The following TMTC2 variants were observed in gnomAD, a reference collection of about 807,000 sequenced individuals.
The protein encoded by TMTC2 is transmembrane O-mannosyltransferase targeting cadherins 2.
A neutral mutation model predicts 82.4 loss-of-function variants in TMTC2; 43 were observed. The ratio of observed to expected loss-of-function variants is 0.52; its 90% CI spans 0.41 to 0.67. The LOEUF (loss-of-function observed/expected upper bound fraction) is 0.67. Among genes scored for constraint, TMTC2 ranks in the 30% least tolerant of loss-of-function variants. The probability of loss-of-function intolerance (pLI) is 0.00; values close to 1 mark genes in which losing one functional copy is unlikely to be tolerated. For missense variants in TMTC2, 919 were observed against 1,012.4 expected, an observed-to-expected ratio of 0.91 and a Z score of 1.25; for synonymous variants, 408 against 381.9, an observed-to-expected ratio of 1.07 and a Z score of -0.80.
chr12:82,772,192 T>G (rs2136996798), intron 1 of TMTC2, among the ~76,000 whole-genome samples: 1 of 152,254 alleles, frequency 6.6e-6, no homozygotes, highest in Non-Finnish European at 1.5e-5. Flanking sequence ...TGATAAGGGG[T>G]TCCAGACAGT....
chr12:83,023,945 A>G (rs901161086), intron 8 of TMTC2, among the ~76,000 whole-genome samples: 1 of 152,236 alleles, frequency 6.6e-6, no homozygotes, highest in Non-Finnish European at 1.5e-5. Context: ...ACAAACATTA[A>G]TATCAGTTAA....
chr12:82,816,276 A>G (rs1453936886), intron 1 of TMTC2, among the ~76,000 whole-genome samples: 1 of 152,160 alleles, frequency 6.6e-6, no homozygotes, highest in East Asian at 1.9e-4. Flanking sequence ...TTCAAAATGA[A>G]CGTATATAAT....
chr12:82,732,013 G>A (rs1369092194), intron 1 of TMTC2, among the ~76,000 whole-genome samples: 3 of 152,312 alleles, frequency 2.0e-5, no homozygotes, highest in East Asian at 1.9e-4. Flanking sequence ...GCTTAGACAA[G>A]GGTTGGGGTC....
intron 1 of TMTC2, among the ~76,000 whole-genome samples, chr12:82,782,722 A>G (rs1877967262): frequency 6.6e-6 from 1 of 152,176 alleles, no homozygotes. Flanking sequence ...TCCTATGGAC[A>G]TTGATATTTT....
At chr12:82,768,024 T>A (rs1346445141) in intron 1 of TMTC2, among the ~76,000 whole-genome samples, 1 of 152,044 alleles carries the variant, frequency 6.6e-6, no homozygotes, top group East Asian at 1.9e-4. Context: ...GTTTTAAACT[T>A]ACTTACTCAT....
intron 7 of TMTC2, among the ~76,000 whole-genome samples, chr12:82,969,193 T>A (rs1025630088): frequency 6.6e-6 from 1 of 152,192 alleles, no homozygotes; most frequent in African/African-American, 2.4e-5. Context: ...TGTCAGCGTG[T>A]GCTGATTATC....
At chr12:82,754,218 G>T (rs922421692) in intron 1 of TMTC2, among the ~76,000 whole-genome samples, 1 of 152,026 alleles carries the variant, frequency 6.6e-6, no homozygotes, top group Non-Finnish European at 1.5e-5. Context: ...GTGGCTTCTA[G>T]AAATACTGTC....
At chr12:82,926,876 A>G (rs908248151) in intron 3 of TMTC2, among the ~76,000 whole-genome samples, 1 of 152,218 alleles carries the variant, frequency 6.6e-6, no homozygotes, top group African/African-American at 2.4e-5. Context: ...TGAATATATT[A>G]AGCTTAATGT....
At chr12:82,984,418 CA>C (rs1879067476) in intron 7 of TMTC2, among the ~76,000 whole-genome samples, 2 of 152,128 alleles carry the variant, frequency 1.3e-5, no homozygotes, top group South Asian at 4.1e-4. Flanking sequence ...CAAACCAATT[CA>C]CTTCATCAAA....
intron 1 of TMTC2, among the ~76,000 whole-genome samples, chr12:82,796,010 A>G (rs1013100896): frequency 2.0e-5 from 3 of 152,146 alleles, no homozygotes; most frequent in Non-Finnish European, 4.4e-5. Context: ...TTCAGAGGTA[A>G]TAAGATGGGT....
chr12:82,695,993 T>C (rs954358488), intron 1 of TMTC2, among the ~76,000 whole-genome samples: 2 of 152,196 alleles, frequency 1.3e-5, no homozygotes, highest in African/African-American at 4.8e-5. Flanking sequence ...CAAGGTAAAA[T>C]AGTTGGGTTC....
At chr12:82,735,173 T>C (rs766985538) in intron 1 of TMTC2, among the ~76,000 whole-genome samples, 1 of 152,136 alleles carries the variant, frequency 6.6e-6, no homozygotes, top group Non-Finnish European at 1.5e-5. Context: ...AAATCAATCA[T>C]ATGCTAAAAT....
chr12:83,005,078 C>T (rs949491586), intron 8 of TMTC2, among the ~76,000 whole-genome samples: 1 of 151,726 alleles, frequency 6.6e-6, no homozygotes, highest in Admixed American at 6.6e-5. Context: ...GTGGTGTGCG[C>T]CTGTAATCCC....
intron 1 of TMTC2, among the ~76,000 whole-genome samples, chr12:82,844,278 AT>A: frequency 6.6e-6 from 1 of 152,224 alleles, no homozygotes; most frequent in South Asian, 2.1e-4. Context: ...GAAAATTGCC[AT>A]GTACTTTATC....
chr12:82,976,280 T>C (rs895313684), intron 7 of TMTC2, among the ~76,000 whole-genome samples: 21 of 152,294 alleles, frequency 1.4e-4, no homozygotes, highest in African/African-American at 4.8e-4. Context: ...TCTGGCTTTT[T>C]TTCAAGTTGA....
At chr12:82,981,377 G>T (rs1878910160) in intron 7 of TMTC2, among the ~76,000 whole-genome samples, 1 of 151,780 alleles carries the variant, frequency 6.6e-6, no homozygotes. Context: ...CTTTGCCTGG[G>T]TTATTTAGAC....
intron 3 of TMTC2, among the ~76,000 whole-genome samples, chr12:82,907,481 A>G (rs1828829245): frequency 6.6e-6 from 1 of 151,980 alleles, no homozygotes; most frequent in African/African-American, 2.4e-5. Flanking sequence ...CTCAAAAAAA[A>G]AAAAAGAATG....
intron 8 of TMTC2, among the ~76,000 whole-genome samples, chr12:83,012,956 T>C (rs1302723020): frequency 1.3e-5 from 2 of 152,110 alleles, no homozygotes; most frequent in Non-Finnish European, 2.9e-5. Flanking sequence ...TGTGACAGGA[T>C]GGAGATTAAT....
intron 9 of TMTC2, among the ~76,000 whole-genome samples, chr12:83,038,638 T>A (rs1448471766): frequency 6.6e-6 from 1 of 152,064 alleles, no homozygotes; most frequent in Admixed American, 6.6e-5. Context: ...TTATGAAAGA[T>A]ACATAATAAT....
Sources: allele counts gnomAD v4.1 joint callset (sites outside exome capture counted in the v4.1 genomes callset), GRCh38; gene constraint gnomAD v4.1.1; transcripts MANE v1.5; gene names NCBI Gene and HGNC (gene_info 2026-07-23, HGNC 2026-07-21).